SYT16: variants seen among roughly 807,000 people sequenced by gnomAD.
SYT16 encodes the protein synaptotagmin-16.
SYT16 carries 42 observed loss-of-function variants against 61.4 expected under a neutral mutation model. The observed-to-expected ratio is 0.68, with a 90% CI of 0.53 to 0.89. The LOEUF (loss-of-function observed/expected upper bound fraction) is 0.89. SYT16 is among the 40% of genes least tolerant of loss of function. The pLI is 0.00. For missense variants in SYT16, 804 were observed against 807.3 expected, an observed-to-expected ratio of 1.00 and a Z score of 0.05; for synonymous variants, 314 against 302.3, an observed-to-expected ratio of 1.04 and a Z score of -0.40.
Position 62,084,201 on chromosome 14 carries a change from A to T in SYT16, c.1440A>T (p.Gly480=), listed in dbSNP as rs367751830. Residue 480 remains glycine, a synonymous_variant, in exon 7 of 8, where the codon GGA becomes GGT. Coordinates refer to ENST00000683842, the MANE Select transcript of SYT16 (RefSeq NM_001367656.1). ...VLEPRSNISS[G]GSPLSPSAVS... ...TTGTTGTTCTTCCCCTCCAGAGTGG[A>T]GGGTCTCCGCTCAGCCCATCTGCGG... 7.4e-6 allele frequency: 12 copies of T among 1,613,108 alleles called. No individual in the cohort carries two copies. Among genetic ancestry groups the T allele is most frequent in the Non-Finnish European group, 9.3e-6 (11 of 1,179,650 alleles).
intron 1 of SYT16, among the ~76,000 whole-genome samples, chr14:61,814,338 A>G (rs1307324786): frequency 6.6e-6 from 1 of 152,220 alleles, no homozygotes. Flanking sequence ...AAGACTCAAC[A>G]AAGAAGGAGA....
At chr14:61,980,045 G>GT (rs1566734760) in intron 2 of SYT16, among the ~76,000 whole-genome samples, 2 of 152,086 alleles carry the variant, frequency 1.3e-5, no homozygotes, top group African/African-American at 2.4e-5. Flanking sequence ...CACTTTTATA[G>GT]TTTTTTGTCC....
At chr14:62,024,703 A>T (rs1186131766) in intron 3 of SYT16, among the ~76,000 whole-genome samples, 1 of 152,060 alleles carries the variant, frequency 6.6e-6, no homozygotes, top group African/African-American at 2.4e-5. Context: ...GATTTTTGAC[A>T]AGTATATAAT....
At chr14:62,016,295 A>G (rs746809879) in intron 3 of SYT16, among the ~76,000 whole-genome samples, 27 of 152,218 alleles carry the variant, frequency 1.8e-4, no homozygotes, top group Admixed American at 1.3e-4. Context: ...GAGAGATGTT[A>G]TACATACCAG....
chr14:62,085,879 T>A (rs1349884515), intron 7 of SYT16, among the ~76,000 whole-genome samples: 3 of 152,230 alleles, frequency 2.0e-5, no homozygotes, highest in Non-Finnish European at 4.4e-5. Context: ...TAGCTCTGAA[T>A]TTACTAGAGA....
chr14:62,075,628 G>GAAAAAA (rs902596567), intron 5 of SYT16, among the ~76,000 whole-genome samples: 1 of 129,796 alleles, frequency 7.7e-6, no homozygotes, highest in Non-Finnish European at 1.6e-5. Context: ...AAGAAAAAAA[G>GAAAAAA]AAAAAAAAAT....
chr14:62,050,098 T>G (rs550870927), intron 3 of SYT16, among the ~76,000 whole-genome samples: 2 of 152,224 alleles, frequency 1.3e-5, no homozygotes, highest in Non-Finnish European at 2.9e-5. Flanking sequence ...GCCCGTCACT[T>G]TCAGGTACAC....
chr14:61,950,640 G>A (rs1438858722), intron 1 of SYT16, among the ~76,000 whole-genome samples: 1 of 152,180 alleles, frequency 6.6e-6, no homozygotes, highest in South Asian at 2.1e-4. Flanking sequence ...TTCGGCCCAC[G>A]TGGCAGCCTA....
intron 1 of SYT16, chr14:61,831,955 G>T: frequency 1.8e-6 from 1 of 561,054 alleles, no homozygotes; most frequent in Non-Finnish European, 3.5e-6. Context: ...GTCTGCATGG[G>T]CACCCACTCT....
intron 1 of SYT16, among the ~76,000 whole-genome samples, chr14:61,898,677 C>T (rs1300293375): frequency 2.0e-5 from 3 of 152,308 alleles, no homozygotes; most frequent in Middle Eastern, 6.8e-3. Flanking sequence ...AGAGTGTACA[C>T]TTGAAACCTC....
chr14:62,011,996 C>T (rs1287176591), intron 3 of SYT16, among the ~76,000 whole-genome samples: 3 of 114,462 alleles, frequency 2.6e-5, no homozygotes, highest in Non-Finnish European at 5.4e-5. Context: ...TTTTCTCCTG[C>T]ATGTTAAAAA....
At chr14:62,051,517 A>T (rs1287937201) in intron 3 of SYT16, among the ~76,000 whole-genome samples, 1 of 152,202 alleles carries the variant, frequency 6.6e-6, no homozygotes, top group Non-Finnish European at 1.5e-5. Flanking sequence ...AGATGAACCC[A>T]GTACCTCAGT....
At chr14:61,979,717 A>G (rs2051982628) in intron 2 of SYT16, among the ~76,000 whole-genome samples, 1 of 152,104 alleles carries the variant, frequency 6.6e-6, no homozygotes. Context: ...CCCCGTCTCT[A>G]CTAAAAATAC....
At chr14:62,011,389 A>T (rs1032010496) in intron 3 of SYT16, among the ~76,000 whole-genome samples, 2 of 151,498 alleles carry the variant, frequency 1.3e-5, no homozygotes, top group South Asian at 2.1e-4. Context: ...GGAGAAAAAT[A>T]AAAAAAAACA....
At chr14:62,007,287 G>C (rs2053262249) in intron 3 of SYT16, among the ~76,000 whole-genome samples, 1 of 152,028 alleles carries the variant, frequency 6.6e-6, no homozygotes, top group South Asian at 2.1e-4. Context: ...TTGCATAAGT[G>C]CTTTCTTGAA....
intron 1 of SYT16, among the ~76,000 whole-genome samples, chr14:61,942,337 C>G (rs1392507844): frequency 1.3e-5 from 2 of 152,184 alleles, no homozygotes; most frequent in Non-Finnish European, 2.9e-5. Context: ...AAGTTCCAGT[C>G]ATGAATGGAT....
At chr14:61,867,486 A>G (rs1227360415) in intron 1 of SYT16, among the ~76,000 whole-genome samples, 3 of 152,062 alleles carry the variant, frequency 2.0e-5, no homozygotes, top group Non-Finnish European at 2.9e-5. Context: ...TAGAAGACCC[A>G]TATGCTCTGA....
chr14:61,820,469 G>GTTGTTTT (rs2045578707), intron 1 of SYT16, among the ~76,000 whole-genome samples: 6 of 61,082 alleles, frequency 9.8e-5, no homozygotes, highest in African/African-American at 4.2e-4. Flanking sequence ...CCTCTTCAGA[G>GTTGTTTT]TTTTTTTTTT....
At chr14:62,003,679 T>C (rs1365196650) in intron 3 of SYT16, among the ~76,000 whole-genome samples, 2 of 152,136 alleles carry the variant, frequency 1.3e-5, no homozygotes, top group Non-Finnish European at 2.9e-5. Flanking sequence ...CACTGTGAAA[T>C]TGAATTGGAC....
Sources: gnomAD v4.1 joint callset for allele counts (sites outside exome capture counted in the v4.1 genomes callset) on GRCh38, gnomAD v4.1.1 for gene constraint, MANE v1.5 for transcripts, NCBI Gene and HGNC (gene_info 2026-07-23, HGNC 2026-07-21) for gene names.